The following ASIC2 variants were observed in gnomAD, a reference collection of about 807,000 sequenced individuals.
The protein encoded by ASIC2 is acid-sensing ion channel 2.
A neutral mutation model predicts 57.3 loss-of-function variants in ASIC2; 25 were observed. The observed-to-expected ratio is 0.44, with a 90% CI of 0.32 to 0.61. The LOEUF (loss-of-function observed/expected upper bound fraction) is 0.61, where lower values mean the gene tolerates loss of function less well. Among genes scored for constraint, ASIC2 ranks in the 20% least tolerant of loss-of-function variants. The pLI, the probability that ASIC2 is intolerant of heterozygous loss-of-function variation, is 0.06. For missense variants in ASIC2, 641 were observed against 738.1 expected, an observed-to-expected ratio of 0.87 and a Z score of 1.52; for synonymous variants, 319 against 307.5, an observed-to-expected ratio of 1.04 and a Z score of -0.39.
At chr17:33,684,442 G>A (rs1403238565) in intron 1 of ASIC2, among the ~76,000 whole-genome samples, 1 of 151,890 alleles carries the variant, frequency 6.6e-6, no homozygotes, top group African/African-American at 2.4e-5. Flanking sequence ...CTTCTTTGCA[G>A]GACATCATGA....
At chr17:33,705,215 G>A (rs1908827662) in intron 1 of ASIC2, among the ~76,000 whole-genome samples, 1 of 152,168 alleles carries the variant, frequency 6.6e-6, no homozygotes, top group African/African-American at 2.4e-5. Flanking sequence ...TATGGAGTTA[G>A]ATAATATAGA....
intron 1 of ASIC2, among the ~76,000 whole-genome samples, chr17:33,743,147 T>G (rs1910158533): frequency 6.6e-6 from 1 of 152,236 alleles, no homozygotes; most frequent in Non-Finnish European, 1.5e-5. Flanking sequence ...GGTCTACTTC[T>G]CAGCAAAACA....
intron 1 of ASIC2, among the ~76,000 whole-genome samples, chr17:33,925,170 A>G (rs1597932432): frequency 1.3e-5 from 2 of 152,360 alleles, no homozygotes; most frequent in African/African-American, 2.4e-5. Flanking sequence ...AAGTCCAGCT[A>G]TGTGACCTTT....
chr17:33,097,549 A>C (rs1000164069), intron 2 of ASIC2, among the ~76,000 whole-genome samples: 1 of 152,186 alleles, frequency 6.6e-6, no homozygotes, highest in Non-Finnish European at 1.5e-5. Context: ...ACAGTGGCCA[A>C]GGGCCACATG....
chr17:33,462,361 T>C (rs185908885), intron 1 of ASIC2, among the ~76,000 whole-genome samples: 16 of 152,324 alleles, frequency 1.1e-4, no homozygotes, highest in Admixed American at 2.0e-4. Flanking sequence ...GTGGAAGAGA[T>C]GTTTGATTAT....
At chr17:33,276,899 C>T (rs1208066680) in intron 1 of ASIC2, among the ~76,000 whole-genome samples, 1 of 152,158 alleles carries the variant, frequency 6.6e-6, no homozygotes, top group Non-Finnish European at 1.5e-5. Flanking sequence ...TTGATATGCA[C>T]TCAGGTCTGT....
intron 1 of ASIC2, among the ~76,000 whole-genome samples, chr17:34,055,861 G>T (rs550010088): frequency 6.6e-6 from 1 of 152,282 alleles, no homozygotes; most frequent in African/African-American, 2.4e-5. Flanking sequence ...GTAGACATAT[G>T]TTTTTGTTAT....
chr17:33,733,871 T>C (rs1175699029), intron 1 of ASIC2, among the ~76,000 whole-genome samples: 1 of 152,084 alleles, frequency 6.6e-6, no homozygotes, highest in Non-Finnish European at 1.5e-5. Context: ...GAGGATGCAG[T>C]TGGAGAAAAC....
At chr17:33,593,055 A>G (rs1310589109) in intron 1 of ASIC2, among the ~76,000 whole-genome samples, 1 of 152,250 alleles carries the variant, frequency 6.6e-6, no homozygotes, top group African/African-American at 2.4e-5. Flanking sequence ...AAAGTAGTTC[A>G]CACATTTCAC....
intron 1 of ASIC2, among the ~76,000 whole-genome samples, chr17:33,375,061 T>C (rs1909227040): frequency 6.6e-6 from 1 of 152,236 alleles, no homozygotes; most frequent in Non-Finnish European, 1.5e-5. Context: ...TAGGTAATCC[T>C]GAGCCAGAAT....
chr17:34,091,330 G>C (rs905811923), intron 1 of ASIC2, among the ~76,000 whole-genome samples: 4 of 152,262 alleles, frequency 2.6e-5, no homozygotes, highest in African/African-American at 9.6e-5. Context: ...GTAAAAACAA[G>C]AGGGGATGAG....
In ASIC2 at chr17:33,659,029, A is replaced by T. The variant is rs547525977; in HGVS notation, c.555+496949T>A. On this transcript the variant is annotated intron_variant, in intron 1 of 9. Transcript: ENST00000359872. Reference sequence around the variant, plus strand: ...AAAAATAAAAATAAAATAATTTTTTAAAAAAGCCCTACCTCTTAATCCCAT... The same window carrying T: ...AAAAATAAAAATAAAATAATTTTTTTAAAAAGCCCTACCTCTTAATCCCAT... Among the ~76,000 whole-genome samples the T allele has an allele frequency of 3.5e-4, 54 of 152,242 alleles. 1 individual carries two copies. The highest frequency in any genetic ancestry group is 2.3e-3 in the South Asian group (11 of 4,814).
intron 1 of ASIC2, among the ~76,000 whole-genome samples, chr17:33,955,971 A>G (rs1904721916): frequency 6.6e-6 from 1 of 152,140 alleles, no homozygotes; most frequent in African/African-American, 2.4e-5. Flanking sequence ...CTATCTCTTG[A>G]GTGGCCATTG....
chr17:33,268,436 C>T lies in ASIC2; in HGVS notation c.708+22972G>A, dbSNP rs568294213. 4.6e-5 allele frequency among the ~76,000 whole-genome samples: 7 copies of T among 151,962 alleles called. No individual in the cohort carries two copies. In the South Asian group the frequency reaches 1.5e-3, roughly 32 times the overall value. On this transcript the variant is annotated intron_variant, in intron 1 of 9. Transcript: ENST00000225823. ...ATCTATTCACTCATCCATCCATTCC[C>T]CAGTCTACTAGAGTATTGAGGAGCA...
chr17:33,464,687 C>CTCTCTCTATATA (rs1264604173), intron 1 of ASIC2, among the ~76,000 whole-genome samples: 1 of 132,598 alleles, frequency 7.5e-6, no homozygotes, highest in African/African-American at 2.9e-5. Context: ...CTCTCTCTCT[C>CTCTCTCTATATA]TATATATATA....
intron 1 of ASIC2, among the ~76,000 whole-genome samples, chr17:33,604,855 CCT>C (rs1173968123): frequency 1.1e-4 from 17 of 152,128 alleles, no homozygotes; most frequent in Non-Finnish European, 4.4e-5. Context: ...TCGTTCTTTC[CCT>C]GAGTGGTATA....
chr17:33,930,479 G>A (rs896929906), intron 1 of ASIC2, among the ~76,000 whole-genome samples: 73 of 152,156 alleles, frequency 4.8e-4, no homozygotes, highest in African/African-American at 1.7e-3. Context: ...AGTCCCCATC[G>A]TGCTTCAGGT....
chr17:33,748,073 C>T (rs111613410), intron 1 of ASIC2, among the ~76,000 whole-genome samples: 21 of 152,346 alleles, frequency 1.4e-4, no homozygotes, highest in Admixed American at 7.2e-4. Flanking sequence ...TGCTAGAGAG[C>T]GCACGCCTTG....
chr17:33,819,222 C>T (rs1030563392), intron 1 of ASIC2, among the ~76,000 whole-genome samples: 5 of 152,136 alleles, frequency 3.3e-5, no homozygotes, highest in South Asian at 2.1e-4. Flanking sequence ...CACTGATGTC[C>T]GTACAATTTA....
Sources: allele counts gnomAD v4.1 joint callset (sites outside exome capture counted in the v4.1 genomes callset), GRCh38; gene constraint gnomAD v4.1.1; transcripts MANE v1.5; gene names NCBI Gene and HGNC (gene_info 2026-07-23, HGNC 2026-07-21).